The following HMGA2 variants were observed in gnomAD, a reference collection of about 807,000 sequenced individuals.
The protein encoded by HMGA2 is high mobility group AT-hook 2.
A neutral mutation model predicts 19.1 loss-of-function variants in HMGA2; 8 were observed. That is an observed-to-expected ratio of 0.42 (90% CI 0.25 to 0.76). The LOEUF is 0.76. Ranked by LOEUF, HMGA2 falls within the 30% of genes least tolerant of loss-of-function variation. The probability of loss-of-function intolerance (pLI) is 0.28; values close to 1 mark genes in which losing one functional copy is unlikely to be tolerated. For missense variants in HMGA2, 109 were observed against 136.3 expected (o/e 0.80, Z 1.00); for synonymous variants, 60 against 48.8 (o/e 1.23, Z -0.96).
intron 3 of HMGA2, among the ~76,000 whole-genome samples, chr12:65,946,673 C>T (rs989518987): frequency 6.6e-6 from 1 of 152,168 alleles, no homozygotes; most frequent in Non-Finnish European, 1.5e-5. Flanking sequence ...AATACCTAGA[C>T]TTCCTGGAAC....
At chr12:65,917,769 C>T (rs897005071) in intron 3 of HMGA2, among the ~76,000 whole-genome samples, 5 of 152,128 alleles carry the variant, frequency 3.3e-5, no homozygotes, top group Non-Finnish European at 7.4e-5. Context: ...TTACTTTGCT[C>T]GTATCTCTAG....
intron 3 of HMGA2, among the ~76,000 whole-genome samples, chr12:65,919,355 G>GTAAAT (rs1194780185): frequency 1.3e-5 from 2 of 152,034 alleles, no homozygotes; most frequent in Non-Finnish European, 2.9e-5. Flanking sequence ...GAAAGCAAAA[G>GTAAAT]TAAATTAAGC....
intron 3 of HMGA2, among the ~76,000 whole-genome samples, chr12:65,849,295 C>T (rs1451523755): frequency 6.6e-6 from 1 of 152,158 alleles, no homozygotes; most frequent in Non-Finnish European, 1.5e-5. Context: ...GGCCCACTCT[C>T]CTAGGGGTGG....
chr12:65,850,036 A>G (rs181487937), intron 3 of HMGA2, among the ~76,000 whole-genome samples: 24 of 151,960 alleles, frequency 1.6e-4, no homozygotes, highest in Non-Finnish European at 3.1e-4. Context: ...TTTATTTAGT[A>G]TTGCCCTTCC....
At chr12:65,886,882 GC>G (rs1410280746) in intron 3 of HMGA2, among the ~76,000 whole-genome samples, 1 of 152,038 alleles carries the variant, frequency 6.6e-6, no homozygotes, top group African/African-American at 2.4e-5. Context: ...CTTTTTCAAG[GC>G]ACAGTCTATA....
intron 3 of HMGA2, among the ~76,000 whole-genome samples, chr12:65,933,174 C>G (rs1875776082): frequency 6.6e-6 from 1 of 151,908 alleles, no homozygotes; most frequent in Non-Finnish European, 1.5e-5. Flanking sequence ...TAAAGTAGGG[C>G]CTTTGGAGGT....
At chr12:65,865,713 C>A (rs1444872476) in intron 3 of HMGA2, among the ~76,000 whole-genome samples, 1 of 150,150 alleles carries the variant, frequency 6.7e-6, no homozygotes, top group Non-Finnish European at 1.5e-5. Flanking sequence ...CGGCTCACTG[C>A]AAACTCCGTC....
intron 3 of HMGA2, among the ~76,000 whole-genome samples, chr12:65,919,567 T>C (rs1875229463): frequency 6.6e-6 from 1 of 152,252 alleles, no homozygotes; most frequent in African/African-American, 2.4e-5. Flanking sequence ...CAAAGGCTAA[T>C]CCAATAATTC....
At chr12:65,904,029 C>T (rs1874481079) in intron 3 of HMGA2, among the ~76,000 whole-genome samples, 2 of 152,214 alleles carry the variant, frequency 1.3e-5, no homozygotes, top group Admixed American at 1.3e-4. Context: ...CCAAACACAT[C>T]GCGTAGCGAT....
chr12:65,886,363 C>CT (rs766865222), intron 3 of HMGA2, among the ~76,000 whole-genome samples: 8,430 of 138,198 alleles, frequency 0.061, 283 homozygotes, highest in Middle Eastern at 0.11. Context: ...CTTTTTCTCT[C>CT]TTTTTTTTTT....
At chr12:65,870,017 CAA>C (rs796434526) in intron 3 of HMGA2, among the ~76,000 whole-genome samples, 3 of 127,244 alleles carry the variant, frequency 2.4e-5, no homozygotes, top group African/African-American at 5.8e-5. Flanking sequence ...TCATGATTTG[CAA>C]AAAAAAAAAA....
Position 65,824,922 on chromosome 12 carries a change from A to T in HMGA2, c.-349A>T, listed in dbSNP as rs890775023. Reference sequence around the variant, plus strand: ...CCAACCCGCGAGAGGAGCCTCTGCGACCTCAAAGCCTCTCTTCCTTCTCCC... The same window carrying T: ...CCAACCCGCGAGAGGAGCCTCTGCGTCCTCAAAGCCTCTCTTCCTTCTCCC... On this transcript the variant is annotated 5_prime_UTR_variant, in exon 1 of 5. Transcript: ENST00000403681. The T allele has an allele frequency of 6.6e-6, 2 of 304,556 alleles. No homozygotes were observed. Among genetic ancestry groups the T allele is most frequent in the Admixed American group, 5.3e-5 (1 of 19,016 alleles). The allele number at this position is 304,556 out of a possible 1,614,324, so 18.9% of individuals were successfully genotyped here. A position where few individuals can be genotyped will look rare whatever the true frequency, so the allele number is the denominator to read the frequency against.
At chr12:65,902,734 A>T (rs773163759) in intron 3 of HMGA2, among the ~76,000 whole-genome samples, 46 of 152,298 alleles carry the variant, frequency 3.0e-4, no homozygotes, top group Non-Finnish European at 5.6e-4. Context: ...AAAGTAGAGA[A>T]CTATATTCTG....
intron 3 of HMGA2, among the ~76,000 whole-genome samples, chr12:65,879,292 A>AATTTTTTTT (rs1555184079): frequency 9.6e-6 from 1 of 103,978 alleles, no homozygotes. Context: ...CATACCAGCT[A>AATTTTTTTT]TTTTTTTTTT....
At chr12:65,828,361 G>A in intron 2 of HMGA2, 2 of 254,686 alleles carry the variant, frequency 7.9e-6, no homozygotes, top group Admixed American at 4.9e-5. Flanking sequence ...AAGTGAGGAA[G>A]GAAGGGGTTG....
intron 3 of HMGA2, among the ~76,000 whole-genome samples, chr12:65,896,506 G>A (rs888252808): frequency 6.6e-6 from 1 of 152,110 alleles, no homozygotes. Context: ...GGGGGAGTGT[G>A]GTGCTTTCTC....
At chr12:65,846,137 C>T (rs1049831986) in intron 3 of HMGA2, among the ~76,000 whole-genome samples, 1 of 152,244 alleles carries the variant, frequency 6.6e-6, no homozygotes, top group Non-Finnish European at 1.5e-5. Context: ...TCACTGAATG[C>T]AGCCATGACA....
intron 1 of HMGA2, chr12:65,826,729 C>T (rs1479282388): frequency 1.3e-5 from 2 of 151,436 alleles, no homozygotes; most frequent in Non-Finnish European, 1.5e-5. Context: ...TGCCCTCCCC[C>T]ACTTGTTTCC....
At chr12:65,872,350 C>T (rs370505802) in intron 3 of HMGA2, among the ~76,000 whole-genome samples, 1 of 152,148 alleles carries the variant, frequency 6.6e-6, no homozygotes, top group Non-Finnish European at 1.5e-5. Context: ...GTTCCTTGCA[C>T]CCGGGAGGCT....
Sources: allele counts gnomAD v4.1 joint callset (sites outside exome capture counted in the v4.1 genomes callset), GRCh38; gene constraint gnomAD v4.1.1; transcripts MANE v1.5; gene names NCBI Gene and HGNC (gene_info 2026-07-23, HGNC 2026-07-21).